The following TCF7L1 variants were observed in gnomAD, a reference collection of about 807,000 sequenced individuals.
The protein encoded by TCF7L1 is transcription factor 7-like 1.
Under a neutral mutation model 63.7 loss-of-function variants are expected in TCF7L1, and 18 were observed. That is an observed-to-expected ratio of 0.28 (90% CI 0.20 to 0.42). The LOEUF (loss-of-function observed/expected upper bound fraction) is 0.42. TCF7L1 is among the 10% of genes least tolerant of loss of function. The probability of loss-of-function intolerance (pLI) is 1.00; values close to 1 mark genes in which losing one functional copy is unlikely to be tolerated. For synonymous variants in TCF7L1, 355 were observed against 340.9 expected, an observed-to-expected ratio of 1.04 and a Z score of -0.46; for missense variants, 654 against 779.3, an observed-to-expected ratio of 0.84 and a Z score of 1.91.
chr2:85,297,760 G>A (rs1233754640), intron 4 of TCF7L1, among the ~76,000 whole-genome samples: 1 of 151,848 alleles, frequency 6.6e-6, no homozygotes, highest in Non-Finnish European at 1.5e-5. Flanking sequence ...ACTCCAGCCT[G>A]GGGGGACACA....
chr2:85,269,905 A>G (rs868444036), intron 3 of TCF7L1, among the ~76,000 whole-genome samples: 1 of 152,212 alleles, frequency 6.6e-6, no homozygotes, highest in South Asian at 2.1e-4. Flanking sequence ...GGCCCTGTAT[A>G]GAGGTGGCTG....
At chr2:85,156,829 C>T (rs1485324080) in intron 3 of TCF7L1, among the ~76,000 whole-genome samples, 1 of 152,170 alleles carries the variant, frequency 6.6e-6, no homozygotes, top group African/African-American at 2.4e-5. Flanking sequence ...CAGCTTGGGG[C>T]AGCATTGCTG....
At chr2:85,189,586 C>T (rs960298399) in intron 3 of TCF7L1, among the ~76,000 whole-genome samples, 7 of 152,220 alleles carry the variant, frequency 4.6e-5, no homozygotes, top group African/African-American at 1.4e-4. Flanking sequence ...GTACAGTTGG[C>T]GGCCAGAGGA....
chr2:85,243,722 G>A (rs1680394447), intron 3 of TCF7L1, among the ~76,000 whole-genome samples: 1 of 152,194 alleles, frequency 6.6e-6, no homozygotes, highest in Admixed American at 6.5e-5. Flanking sequence ...CAGGGTGAGA[G>A]GTGAAACTTC....
chr2:85,300,696 T>C (rs1295203563), intron 4 of TCF7L1, among the ~76,000 whole-genome samples: 1 of 151,980 alleles, frequency 6.6e-6, no homozygotes, highest in African/African-American at 2.4e-5. Context: ...TCTCATGGAA[T>C]CTACGAAATG....
intron 3 of TCF7L1, chr2:85,217,252 C>T (rs113542455): frequency 1.3e-5 from 2 of 152,194 alleles, no homozygotes; most frequent in Non-Finnish European, 2.9e-5. Context: ...TTGATAATTA[C>T]AAACACGAGG....
chr2:85,176,993 A>C (rs1437397696), intron 3 of TCF7L1, among the ~76,000 whole-genome samples: 1 of 140,922 alleles, frequency 7.1e-6, no homozygotes, highest in Non-Finnish European at 1.5e-5. Context: ...TCTCAAAAAA[A>C]AAAAAAAAAA....
intron 3 of TCF7L1, among the ~76,000 whole-genome samples, chr2:85,274,665 C>A (rs565818000): frequency 1.3e-5 from 2 of 152,350 alleles, no homozygotes; most frequent in East Asian, 3.9e-4. Context: ...ATCGTGGTAC[C>A]TTGAAATCAG....
chr2:85,258,522 G>GA (rs1680778292), intron 3 of TCF7L1, among the ~76,000 whole-genome samples: 1 of 152,178 alleles, frequency 6.6e-6, no homozygotes, highest in African/African-American at 2.4e-5. Context: ...ATGGAACTGG[G>GA]AATGGTGGGG....
chr2:85,213,855 G>A (rs1679628002), intron 3 of TCF7L1, among the ~76,000 whole-genome samples: 3 of 152,240 alleles, frequency 2.0e-5, no homozygotes, highest in East Asian at 1.9e-4. Flanking sequence ...CGACTGAAAC[G>A]TCTCACAGCT....
At chr2:85,229,486 A>C (rs551800201) in intron 3 of TCF7L1, among the ~76,000 whole-genome samples, 6 of 152,358 alleles carry the variant, frequency 3.9e-5, no homozygotes, top group East Asian at 3.9e-4. Context: ...CATGTGTACA[A>C]GTGCAGCTCT....
At chr2:85,204,304 C>A (rs976593538) in intron 3 of TCF7L1, among the ~76,000 whole-genome samples, 1 of 114,112 alleles carries the variant, frequency 8.8e-6, no homozygotes, top group Admixed American at 8.2e-5. Context: ...CCCCCCCCCC[C>A]CACTTAATAG....
chr2:85,294,005 A>T, intron 4 of TCF7L1, among the ~76,000 whole-genome samples: 1 of 127,988 alleles, frequency 7.8e-6, no homozygotes, highest in Non-Finnish European at 1.6e-5. Flanking sequence ...GATGGAATTT[A>T]GGTGTGGCCT....
intron 3 of TCF7L1, among the ~76,000 whole-genome samples, chr2:85,145,064 CAAAAAAA>C (rs779081805): frequency 7.8e-5 from 7 of 90,270 alleles, no homozygotes; most frequent in African/African-American, 2.4e-4. Context: ...GACTTTGTTT[CAAAAAAA>C]AAAAAAAAAG....
At chr2:85,299,893 A>ACACACACACACACACACACACACACC in intron 4 of TCF7L1, among the ~76,000 whole-genome samples, 1 of 149,504 alleles carries the variant, frequency 6.7e-6, no homozygotes, top group South Asian at 2.1e-4. Flanking sequence ...ACACACACAC[A>ACACACACACACACACACACACACACC]CACACACACA....
chr2:85,221,329 TTTC>T (rs1380038407), intron 3 of TCF7L1, among the ~76,000 whole-genome samples: 3 of 152,322 alleles, frequency 2.0e-5, no homozygotes, highest in Non-Finnish European at 2.9e-5. Flanking sequence ...GAGGAAAGTT[TTTC>T]TTTACAGAAG....
intron 3 of TCF7L1, among the ~76,000 whole-genome samples, chr2:85,280,255 T>C (rs547717988): frequency 5.3e-5 from 8 of 152,258 alleles, no homozygotes; most frequent in African/African-American, 1.9e-4. Context: ...TTTAGTATTA[T>C]AGTTAGAGGC....
At chr2:85,213,905 A>T (rs1679629320) in intron 3 of TCF7L1, among the ~76,000 whole-genome samples, 1 of 152,186 alleles carries the variant, frequency 6.6e-6, no homozygotes, top group Non-Finnish European at 1.5e-5. Context: ...CTTTCTGTCC[A>T]GATTTCTGAA....
At chr2:85,168,327 A>G (rs1056230511) in intron 3 of TCF7L1, among the ~76,000 whole-genome samples, 3 of 152,326 alleles carry the variant, frequency 2.0e-5, no homozygotes, top group South Asian at 4.1e-4. Flanking sequence ...GAAATTATCT[A>G]TATTAAATAT....
Sources: gnomAD v4.1 joint callset for allele counts (sites outside exome capture counted in the v4.1 genomes callset) on GRCh38, gnomAD v4.1.1 for gene constraint, MANE v1.5 for transcripts, NCBI Gene and HGNC (gene_info 2026-07-23, HGNC 2026-07-21) for gene names.